SCFD2: variants seen among roughly 807,000 people sequenced by gnomAD.
The protein encoded by SCFD2 is sec1 family domain containing 2, also known as sec1 family domain-containing protein 2.
In SCFD2, 54 loss-of-function variants were observed where a neutral mutation model predicts 58.9. The ratio of observed to expected loss-of-function variants is 0.92; its 90% CI spans 0.74 to 1.15. The LOEUF is 1.15. Ranked by LOEUF, SCFD2 falls within the 50% of genes most tolerant of loss-of-function variation. SCFD2 has a pLI of 0.00. For synonymous variants in SCFD2, 321 were observed against 335.9 expected (o/e 0.96, Z 0.49); for missense variants, 805 against 836.6 (o/e 0.96, Z 0.47).
chr4:52,922,703 T>C (rs1719769467), intron 5 of SCFD2, among the ~76,000 whole-genome samples: 1 of 152,256 alleles, frequency 6.6e-6, no homozygotes, highest in Admixed American at 6.5e-5. Context: ...ACATACATTT[T>C]CATTTCTCTT....
chr4:53,258,400 G>C (rs367943740), intron 4 of SCFD2, among the ~76,000 whole-genome samples: 1 of 151,556 alleles, frequency 6.6e-6, no homozygotes, highest in Non-Finnish European at 1.5e-5. Flanking sequence ...TCCCACTTTC[G>C]AGTGAGAACA....
chr4:53,005,754 C>A (rs1309097601), intron 5 of SCFD2, among the ~76,000 whole-genome samples: 1 of 152,154 alleles, frequency 6.6e-6, no homozygotes, highest in Non-Finnish European at 1.5e-5. Flanking sequence ...ATGCTCTTAT[C>A]CTGACTGAAG....
chr4:53,168,709 T>G (rs1727086947), intron 4 of SCFD2, among the ~76,000 whole-genome samples: 1 of 152,226 alleles, frequency 6.6e-6, no homozygotes, highest in Non-Finnish European at 1.5e-5. Context: ...TCAAGTTAGC[T>G]AACATATTCA....
intron 5 of SCFD2, among the ~76,000 whole-genome samples, chr4:52,955,014 C>A (rs554426618): frequency 9.2e-5 from 14 of 152,320 alleles, no homozygotes; most frequent in African/African-American, 3.1e-4. Context: ...CCACACAGTA[C>A]CCCATTCTTG....
intron 8 of SCFD2, among the ~76,000 whole-genome samples, chr4:52,883,288 A>T (rs554393914): frequency 6.6e-6 from 1 of 152,220 alleles, no homozygotes; most frequent in Non-Finnish European, 1.5e-5. Flanking sequence ...GACCCGCCAC[A>T]GCATGTGTCA....
intron 8 of SCFD2, among the ~76,000 whole-genome samples, chr4:52,878,023 T>C (rs1422705563): frequency 6.6e-6 from 1 of 152,158 alleles, no homozygotes; most frequent in South Asian, 2.1e-4. Context: ...CTCCCCACTC[T>C]GCCCAAAGAC....
chr4:52,906,290 C>T (rs907433203), intron 7 of SCFD2, among the ~76,000 whole-genome samples: 1 of 152,190 alleles, frequency 6.6e-6, no homozygotes, highest in African/African-American at 2.4e-5. Flanking sequence ...AAAGTCCACA[C>T]TTGATATTTT....
At chr4:53,101,033 CAG>C (rs1434061945) in intron 5 of SCFD2, among the ~76,000 whole-genome samples, 2 of 152,248 alleles carry the variant, frequency 1.3e-5, no homozygotes, top group African/African-American at 4.8e-5. Flanking sequence ...TCGATGGAGA[CAG>C]AAAAATGTCA....
chr4:53,363,664 A>C (rs1336724514), intron 1 of SCFD2, among the ~76,000 whole-genome samples: 2 of 152,042 alleles, frequency 1.3e-5, no homozygotes, highest in Non-Finnish European at 2.9e-5. Context: ...TCTACTAAAA[A>C]TACGAAAAGT....
intron 5 of SCFD2, among the ~76,000 whole-genome samples, chr4:53,012,492 G>A (rs1251468492): frequency 5.3e-5 from 8 of 151,966 alleles, no homozygotes; most frequent in East Asian, 1.9e-4. Context: ...AGAACCCAGG[G>A]CTGGCTATTT....
intron 5 of SCFD2, among the ~76,000 whole-genome samples, chr4:53,125,728 C>T (rs1477453776): frequency 2.6e-5 from 4 of 152,148 alleles, no homozygotes; most frequent in Non-Finnish European, 4.4e-5. Context: ...TTAGTTTCTC[C>T]GTTATGATGA....
chr4:52,899,633 G>A (rs1719128986), intron 7 of SCFD2, among the ~76,000 whole-genome samples: 1 of 152,128 alleles, frequency 6.6e-6, no homozygotes, highest in South Asian at 2.1e-4. Context: ...GTGTCTTGGA[G>A]TTGCTCTTCT....
At chr4:53,148,633 C>T (rs543288501) in intron 4 of SCFD2, among the ~76,000 whole-genome samples, 1 of 152,296 alleles carries the variant, frequency 6.6e-6, no homozygotes, top group South Asian at 2.1e-4. Context: ...CACTTTCTCC[C>T]CCTTTTCTTT....
chr4:53,235,154 A>C (rs13140358), intron 4 of SCFD2, among the ~76,000 whole-genome samples: 10 of 152,192 alleles, frequency 6.6e-5, no homozygotes, highest in African/African-American at 2.4e-4. Context: ...ACATCTACAT[A>C]GGTCTCATTT....
At chr4:52,978,283 A>C (rs1721297418) in intron 5 of SCFD2, among the ~76,000 whole-genome samples, 1 of 152,168 alleles carries the variant, frequency 6.6e-6, no homozygotes, top group Admixed American at 6.5e-5. Flanking sequence ...CTGTGCTCGC[A>C]GGTCTAAACA....
intron 4 of SCFD2, among the ~76,000 whole-genome samples, chr4:53,226,503 A>G (rs1729220993): frequency 1.3e-5 from 2 of 152,162 alleles, no homozygotes; most frequent in African/African-American, 4.8e-5. Context: ...TTTCAAGAAT[A>G]ACTTAATCAA....
intron 5 of SCFD2, among the ~76,000 whole-genome samples, chr4:53,101,767 G>T (rs1202446273): frequency 6.6e-6 from 1 of 152,042 alleles, no homozygotes; most frequent in Non-Finnish European, 1.5e-5. Context: ...AGACATTCCT[G>T]GTTCTTGATT....
intron 5 of SCFD2, among the ~76,000 whole-genome samples, chr4:53,021,138 A>C (rs1262262897): frequency 6.6e-6 from 1 of 152,144 alleles, no homozygotes; most frequent in African/African-American, 2.4e-5. Context: ...GCAGAAACCC[A>C]TTTTAGAATG....
chr4:53,315,950 T>C (rs1162991041), intron 2 of SCFD2, among the ~76,000 whole-genome samples: 1 of 152,118 alleles, frequency 6.6e-6, no homozygotes, highest in Non-Finnish European at 1.5e-5. Context: ...ACTCCAACCA[T>C]GCTCCTCCTC....
Sources: allele counts gnomAD v4.1 joint callset (sites outside exome capture counted in the v4.1 genomes callset), GRCh38; gene constraint gnomAD v4.1.1; transcripts MANE v1.5; gene names NCBI Gene and HGNC (gene_info 2026-07-23, HGNC 2026-07-21).